The following RXFP2 variants were observed in gnomAD, a reference collection of about 807,000 sequenced individuals.
RXFP2 encodes relaxin family peptide receptor 2.
A neutral mutation model predicts 88.6 loss-of-function variants in RXFP2; 68 were observed. That is an observed-to-expected ratio of 0.77 (90% CI 0.63 to 0.94). The LOEUF (loss-of-function observed/expected upper bound fraction) is 0.94. Among genes scored for constraint, RXFP2 ranks in the 40% least tolerant of loss-of-function variants. The probability of loss-of-function intolerance (pLI) is 0.00; values close to 1 mark genes in which losing one functional copy is unlikely to be tolerated. For missense variants in RXFP2, 791 were observed against 893.9 expected, an observed-to-expected ratio of 0.88 and a Z score of 1.47; for synonymous variants, 329 against 306.8, an observed-to-expected ratio of 1.07 and a Z score of -0.76.
At chr13:31,780,222 G>A (rs544272320) in intron 9 of RXFP2, among the ~76,000 whole-genome samples, 1 of 152,244 alleles carries the variant, frequency 6.6e-6, no homozygotes, top group East Asian at 1.9e-4. Flanking sequence ...AAGACAGCCT[G>A]ATTGCAATTG....
At chr13:31,797,002 A>T (rs146650867) in intron 16 of RXFP2, among the ~76,000 whole-genome samples, 199 bp from the exon 17 acceptor site, 4 of 152,346 alleles carry the variant, frequency 2.6e-5, no homozygotes, top group Non-Finnish European at 4.4e-5. Context: ...GGTGTATATG[A>T]AACATAAATA....
At chr13:31,760,753 T>A (rs1231193346) in intron 2 of RXFP2, among the ~76,000 whole-genome samples, 1 of 152,230 alleles carries the variant, frequency 6.6e-6, no homozygotes, top group Non-Finnish European at 1.5e-5. Context: ...TTGTGTGAAC[T>A]TCAGTATCTT....
intron 16 of RXFP2, 52 bp downstream of exon 16, chr13:31,793,140 G>A (rs770479923): frequency 2.1e-5 from 30 of 1,457,790 alleles, no homozygotes; most frequent in African/African-American, 1.7e-4. Context: ...CTAGAAATAC[G>A]TTAAATTTCA....
Position 31,797,313 on chromosome 13 carries a change from G to A in RXFP2, c.1899G>A (p.Glu633=). The A allele has an allele frequency of 3.7e-6, 6 of 1,614,060 alleles. No individual in the cohort carries two copies. The highest frequency in any genetic ancestry group is 5.1e-6 in the Non-Finnish European group (6 of 1,179,924). ...TTEVRNCFGR[E]VAVANRFFFI... ...AAGTAAGGAATTGTTTTGGAAGAGA[G>A]GTGGCTGTTGCAAATCGTTTCTTTT... The change falls in exon 17 of 18, where the codon GAG becomes GAA. Residue 633 remains glutamate (E), a synonymous_variant. Transcript: ENST00000298386.
At chr13:31,782,846 T>A (rs1463956170) in intron 11 of RXFP2, 99 bp downstream of exon 11, 14 of 754,932 alleles carry the variant, frequency 1.9e-5, no homozygotes, top group Middle Eastern at 3.5e-4. Context: ...GCAATCAAAA[T>A]CCTGTAGACT....
chr13:31,778,697 A>C, intron 9 of RXFP2, 114 bp downstream of exon 9: 1 of 827,618 alleles, frequency 1.2e-6, no homozygotes, highest in Non-Finnish European at 2.1e-6. Flanking sequence ...CAAAATCAAA[A>C]TCTGATCATA....
At position 31,802,312 on chromosome 13, in the gene RXFP2, A is replaced by G; in HGVS notation, c.2172A>G (p.Thr724=). 6.2e-7 allele frequency: 1 copy of G among 1,613,276 alleles called. No individual in the cohort carries two copies. The highest frequency in any genetic ancestry group is 8.5e-7 in the Non-Finnish European group (1 of 1,179,274). The change falls in exon 18 of 18, where the codon ACA becomes ACG. Residue 724 remains threonine (T), a synonymous_variant. Transcript: ENST00000298386. ...IFKIKKKSLS[T]SIVWIEDSSS... is the part of the protein sequence containing the mutation. ...AAATTAAAAAAAAAAGTTTATCTAC[A>G]TCCATTGTGTGGATAGAGGACTCCT...
At chr13:31,760,461 A>T (rs1261442249) in intron 2 of RXFP2, among the ~76,000 whole-genome samples, 1 of 152,212 alleles carries the variant, frequency 6.6e-6, no homozygotes. Flanking sequence ...ACCAGAGCTT[A>T]GAGCAGTAGA....
intron 6 of RXFP2, 116 bp downstream of exon 6, chr13:31,774,807 A>G (rs923440020): frequency 2.8e-6 from 2 of 721,920 alleles, no homozygotes; most frequent in African/African-American, 3.5e-5. Context: ...ATAGGTTATC[A>G]CAAAGTACTT....
intron 1 of RXFP2, 121 bp from the exon 2 acceptor site, chr13:31,758,137 T>C: frequency 1.1e-6 from 1 of 946,164 alleles, no homozygotes; most frequent in Non-Finnish European, 1.7e-6. Flanking sequence ...TCAAAGAAAC[T>C]GTGCACTAAG....
intron 1 of RXFP2, among the ~76,000 whole-genome samples, chr13:31,755,779 C>T (rs1481867191): frequency 2.0e-5 from 3 of 152,316 alleles, no homozygotes; most frequent in Admixed American, 6.5e-5. Context: ...CTTGACTGGT[C>T]TTATGCCTAG....
intron 2 of RXFP2, among the ~76,000 whole-genome samples, chr13:31,759,574 A>G (rs1872200640): frequency 6.6e-6 from 1 of 152,020 alleles, no homozygotes; most frequent in Non-Finnish European, 1.5e-5. Flanking sequence ...ACAGGGGTAT[A>G]CACATGGAAT....
chr13:31,786,198 T>A (rs1236553960), intron 11 of RXFP2, among the ~76,000 whole-genome samples, 185 bp from the exon 12 acceptor site: 3 of 152,188 alleles, frequency 2.0e-5, no homozygotes, highest in African/African-American at 4.8e-5. Flanking sequence ...GTGTTACATG[T>A]AAGTGTTGGA....
intron 17 of RXFP2, among the ~76,000 whole-genome samples, chr13:31,799,578 G>C (rs1020460051): frequency 6.6e-6 from 1 of 152,148 alleles, no homozygotes; most frequent in African/African-American, 2.4e-5. Context: ...TGTGGTGGAA[G>C]AAGGACCCAG....
chr13:31,802,018 C>A, intron 17 of RXFP2, 128 bp from the exon 18 acceptor site: 1 of 882,320 alleles, frequency 1.1e-6, no homozygotes, highest in Non-Finnish European at 1.8e-6. Flanking sequence ...GATTTTCCTT[C>A]AGGTGAGAGA....
At chr13:31,796,993 G>T (rs1874080921) in intron 16 of RXFP2, among the ~76,000 whole-genome samples, 1 of 152,140 alleles carries the variant, frequency 6.6e-6, no homozygotes, top group African/African-American at 2.4e-5. Context: ...TGTGTATAAG[G>T]TGTATATGAA....
chr13:31,777,354 G>A lies in RXFP2; in HGVS notation c.642-22G>A, dbSNP rs1177952381. 3 of 1,565,718 alleles carry A rather than the reference G, an allele frequency of 1.9e-6. No homozygotes were observed. The African/African-American group carries it at 4.1e-5, about 21-fold the overall frequency. On this transcript the variant is annotated intron_variant, in intron 7 of 17. Coordinates refer to ENST00000298386, the MANE Select transcript of RXFP2 (RefSeq NM_130806.5). ...CACAAATGTCTCTAATATTGGAAAT[G>A]TTTCTTGATACATTTTGTCAGAATT...
At chr13:31,744,206 G>A (rs1871318899) in intron 1 of RXFP2, among the ~76,000 whole-genome samples, 1 of 152,070 alleles carries the variant, frequency 6.6e-6, no homozygotes, top group Non-Finnish European at 1.5e-5. Flanking sequence ...ATACTGGTGT[G>A]CTCTCTTTTT....
chr13:31,764,275 A>C (rs1439202003), intron 3 of RXFP2, among the ~76,000 whole-genome samples: 1 of 150,928 alleles, frequency 6.6e-6, no homozygotes, highest in East Asian at 2.0e-4. Flanking sequence ...ACACACACAC[A>C]CACACACACA....
Sources: allele counts gnomAD v4.1 joint callset (sites outside exome capture counted in the v4.1 genomes callset), GRCh38; gene constraint gnomAD v4.1.1; transcripts MANE v1.5; gene names NCBI Gene and HGNC (gene_info 2026-07-23, HGNC 2026-07-21).